Variants in TMOD3 observed in about 807,000 individuals in gnomAD.
TMOD3 encodes tropomodulin 3, also known as tropomodulin-3.
TMOD3 carries 20 observed loss-of-function variants against 39.2 expected under a neutral mutation model. That is an observed-to-expected ratio of 0.51 (90% CI 0.36 to 0.74). The LOEUF is 0.74. TMOD3 is among the 30% of genes least tolerant of loss of function. TMOD3 has a pLI of 0.00. For missense variants in TMOD3, 381 were observed against 412.8 expected (o/e 0.92, Z 0.67); for synonymous variants, 143 against 145.8 (o/e 0.98, Z 0.14).
At chr15:51,844,410 G>A (rs1048359044) in intron 1 of TMOD3, among the ~76,000 whole-genome samples, 14 of 152,116 alleles carry the variant, frequency 9.2e-5, no homozygotes, top group Admixed American at 5.9e-4. Flanking sequence ...CACCTTCTGC[G>A]GTTAAAGCCT....
chr15:51,859,138 C>G, intron 1 of TMOD3: 1 of 652,000 alleles, frequency 1.5e-6, no homozygotes, highest in Non-Finnish European at 2.8e-6. Flanking sequence ...TATTTGCCCA[C>G]AGGGCTTGCA....
At chr15:51,889,197 G>A in intron 5 of TMOD3, 52 bp downstream of exon 5, 1 of 1,286,816 alleles carries the variant, frequency 7.8e-7, no homozygotes, top group Non-Finnish European at 1.1e-6. Context: ...AATATATTTT[G>A]TTTTCGCCTT....
chr15:51,874,519 G>T (rs185204175), intron 3 of TMOD3, among the ~76,000 whole-genome samples: 5 of 152,198 alleles, frequency 3.3e-5, no homozygotes, highest in Non-Finnish European at 7.3e-5. Context: ...GCTTGTTCTC[G>T]TTTGGAGAAT....
At chr15:51,871,527 G>A (rs1035673944) in intron 3 of TMOD3, among the ~76,000 whole-genome samples, 1 of 152,160 alleles carries the variant, frequency 6.6e-6, no homozygotes, top group Non-Finnish European at 1.5e-5. Context: ...TTGAGGATAA[G>A]AAGGAGAAAA....
intron 3 of TMOD3, among the ~76,000 whole-genome samples, chr15:51,876,139 G>A (rs1761097441): frequency 6.6e-6 from 1 of 151,786 alleles, no homozygotes; most frequent in African/African-American, 2.4e-5. Context: ...TTTTCTATTT[G>A]TCCTGTCTGT....
At chr15:51,871,494 A>G (rs886145410) in intron 3 of TMOD3, among the ~76,000 whole-genome samples, 1 of 152,194 alleles carries the variant, frequency 6.6e-6, no homozygotes, top group Non-Finnish European at 1.5e-5. Context: ...AGAAAAAGAG[A>G]TGTCAGAAAA....
chr15:51,861,069 C>G, intron 1 of TMOD3: 3 of 679,494 alleles, frequency 4.4e-6, no homozygotes, highest in Non-Finnish European at 5.0e-6. Flanking sequence ...AAATGAATAT[C>G]CAATGCGTGT....
rs140487694 is a variant in TMOD3, at chr15:51,856,072, G to A, written c.-74-6739G>A. On this transcript the variant is annotated intron_variant, in intron 1 of 9. Transcript: ENST00000308580. ...GATTCTAGGAGTTTAAGACCAGCCT[G>A]GGCAACATGGTGAAACACTGTCTCT... Among the ~76,000 whole-genome samples, 575 of 152,254 alleles carry A rather than the reference G, an allele frequency of 3.8e-3. 3 individuals carry two copies. The highest frequency in any genetic ancestry group is 6.6e-3 in the Non-Finnish European group (452 of 68,028).
At chr15:51,835,658 A>C (rs905888401) in intron 1 of TMOD3, among the ~76,000 whole-genome samples, 1 of 152,086 alleles carries the variant, frequency 6.6e-6, no homozygotes, top group Non-Finnish European at 1.5e-5. Flanking sequence ...TTTGTGATGC[A>C]ATTTCTGAAT....
chr15:51,873,129 G>GA (rs2056484359), intron 3 of TMOD3, among the ~76,000 whole-genome samples: 1 of 152,128 alleles, frequency 6.6e-6, no homozygotes, highest in Non-Finnish European at 1.5e-5. Flanking sequence ...CCTTAGTCAC[G>GA]AATATGCCTT....
chr15:51,837,927 C>T (rs889721923), intron 1 of TMOD3, among the ~76,000 whole-genome samples: 1 of 152,150 alleles, frequency 6.6e-6, no homozygotes, highest in Non-Finnish European at 1.5e-5. Flanking sequence ...TGGTATAGCA[C>T]ACAAGGGGAG....
chr15:51,887,927 ATGTAT>A (rs1317823682), intron 4 of TMOD3, among the ~76,000 whole-genome samples: 1 of 152,224 alleles, frequency 6.6e-6, no homozygotes, highest in African/African-American at 2.4e-5. Flanking sequence ...TATTAAGAAA[ATGTAT>A]TGTATTGTTC....
intron 9 of TMOD3, among the ~76,000 whole-genome samples, chr15:51,905,897 T>C (rs1320087953): frequency 4.7e-5 from 6 of 127,382 alleles, no homozygotes; most frequent in East Asian, 4.9e-4. Flanking sequence ...TGAGCCGAGA[T>C]TGCGCCACTG....
chr15:51,846,572 G>T (rs1177297469), intron 1 of TMOD3, among the ~76,000 whole-genome samples: 1 of 152,164 alleles, frequency 6.6e-6, no homozygotes, highest in East Asian at 1.9e-4. Context: ...CCCTTTGGGG[G>T]AGAGAAAGAA....
intron 1 of TMOD3, among the ~76,000 whole-genome samples, chr15:51,843,134 G>A (rs780956136): frequency 3.3e-5 from 5 of 152,212 alleles, no homozygotes; most frequent in Non-Finnish European, 5.9e-5. Flanking sequence ...AAAAAGAGTA[G>A]TCAGAGTTGG....
chr15:51,870,500 G>A (rs1352770278), intron 3 of TMOD3, among the ~76,000 whole-genome samples: 2 of 152,094 alleles, frequency 1.3e-5, no homozygotes, highest in Non-Finnish European at 2.9e-5. Flanking sequence ...CTTTTTATTT[G>A]AGAAAGAGGC....
At chr15:51,856,296 C>G (rs2570248) in intron 1 of TMOD3, among the ~76,000 whole-genome samples, 64,004 of 151,960 alleles carry the variant, frequency 0.42, 13,685 homozygotes, top group Admixed American at 0.51. Flanking sequence ...AAAGTGATAA[C>G]TTTTGAGCAT....
Position 51,908,778 on chromosome 15 carries a change from C to T in TMOD3, c.1027C>T (p.Arg343Cys), listed in dbSNP as rs780124953. Residue 343 changes from arginine to cysteine, a missense_variant and splice_region_variant, in exon 10 of 10, where the codon CGT (arginine) becomes TGT (cysteine). By Grantham distance (180) the Arg-to-Cys change is radical. Transcript: ENST00000308580. ...AGTTTCTTTTATTTTTCTCATAGTG[C>T]GTAAGAGACGAGTTGAAGGAGATCA... Reference protein sequence around the residue: ...NAITKNNDLVRKRRVEGDHQ With the variant: ...NAITKNNDLVCKRRVEGDHQ 8.1e-6 allele frequency: 13 copies of T among 1,605,134 alleles called. No individual in the cohort carries two copies. Among genetic ancestry groups the T allele is most frequent in the African/African-American group, 2.7e-5 (2 of 74,466 alleles).
chr15:51,902,619 C>T (rs189694328), intron 9 of TMOD3, among the ~76,000 whole-genome samples: 136 of 147,344 alleles, frequency 9.2e-4, no homozygotes, highest in African/African-American at 3.3e-3. Context: ...TACAGGCGTG[C>T]GCGCCGTGCC....
Sources: allele counts gnomAD v4.1 joint callset (sites outside exome capture counted in the v4.1 genomes callset), GRCh38; gene constraint gnomAD v4.1.1; transcripts MANE v1.5; gene names NCBI Gene and HGNC (gene_info 2026-07-23, HGNC 2026-07-21).